ASB3: variants seen among roughly 807,000 people sequenced by gnomAD.
The protein encoded by ASB3 is ankyrin repeat and SOCS box containing 3.
In ASB3, 41 loss-of-function variants were observed where a neutral mutation model predicts 54.5. The observed-to-expected ratio is 0.75, with a 90% CI of 0.59 to 0.98. The LOEUF is 0.98. Ranked by LOEUF, ASB3 falls within the 50% of genes least tolerant of loss-of-function variation. The pLI, the probability that ASB3 is intolerant of heterozygous loss-of-function variation, is 0.00. For missense variants in ASB3, 733 were observed against 620.0 expected, an observed-to-expected ratio of 1.18 and a Z score of -1.94; for synonymous variants, 266 against 221.2, an observed-to-expected ratio of 1.20 and a Z score of -1.80.
intron 2 of ASB3, among the ~76,000 whole-genome samples, chr2:53,764,509 T>A (rs1402435169): frequency 6.6e-6 from 1 of 152,256 alleles, no homozygotes; most frequent in African/African-American, 2.4e-5. Flanking sequence ...ATTGAGCATG[T>A]GGCACAATGA....
At chr2:53,705,710 G>C (rs1242914897) in intron 7 of ASB3, among the ~76,000 whole-genome samples, 2 of 152,064 alleles carry the variant, frequency 1.3e-5, no homozygotes, top group African/African-American at 4.8e-5. Flanking sequence ...ATGAATGTTA[G>C]ACCTGTTGAT....
rs780588603 is a variant in ASB3, at chr2:53,670,719, CT to C, written c.1370-30del. ...GAGAAACAAAAAAAGCAAGGTGAAA[CT>C]TTTTTAAACAGAAAGATGTAATAGC... On this transcript the variant is annotated intron_variant, in intron 9 of 9. Coordinates refer to ENST00000263634, the MANE Select transcript of ASB3 (RefSeq NM_016115.5). The C allele has an allele frequency of 1.1e-5, 17 of 1,584,732 alleles. No homozygotes were observed. The African/African-American group carries it at 1.6e-4, about 15-fold the overall frequency.
chr2:53,778,523 T>G (rs1014937621), intron 1 of ASB3, among the ~76,000 whole-genome samples: 2 of 152,196 alleles, frequency 1.3e-5, no homozygotes, highest in East Asian at 1.9e-4. Flanking sequence ...CCCCTTTGAC[T>G]ATCATCTCCC....
intron 9 of ASB3, among the ~76,000 whole-genome samples, chr2:53,673,282 G>T (rs1317602664): frequency 6.6e-6 from 1 of 152,128 alleles, no homozygotes; most frequent in African/African-American, 2.4e-5. Flanking sequence ...ACAACCAGAA[G>T]GAAGATAAAG....
chr2:53,755,963 G>C (rs896003350), intron 2 of ASB3, among the ~76,000 whole-genome samples: 6 of 149,300 alleles, frequency 4.0e-5, no homozygotes, highest in African/African-American at 1.5e-4. Context: ...GACCAACCTG[G>C]ACAAAATAGT....
chr2:53,782,164 G>A (rs898468900), intron 1 of ASB3, among the ~76,000 whole-genome samples: 2 of 152,100 alleles, frequency 1.3e-5, no homozygotes, highest in Non-Finnish European at 2.9e-5. Flanking sequence ...GTGACAAAGC[G>A]AGACCCTGTC....
intron 3 of ASB3, among the ~76,000 whole-genome samples, chr2:53,741,763 C>A (rs1393014359): frequency 6.6e-6 from 1 of 152,146 alleles, no homozygotes; most frequent in East Asian, 1.9e-4. Context: ...TTTCCCTTTA[C>A]TTTTCTTAGA....
At chr2:53,721,380 C>T (rs1226412596) in intron 5 of ASB3, among the ~76,000 whole-genome samples, 1 of 144,866 alleles carries the variant, frequency 6.9e-6, no homozygotes, top group Admixed American at 6.9e-5. Context: ...GTGGTGAAAC[C>T]CCATCTCTAC....
intron 1 of ASB3, chr2:53,774,319 G>A (rs1168067933): frequency 6.2e-7 from 1 of 1,613,594 alleles, no homozygotes; most frequent in Non-Finnish European, 8.5e-7. Context: ...TGATAATCCT[G>A]ATTATCTTGG....
intron 5 of ASB3, among the ~76,000 whole-genome samples, chr2:53,727,879 C>A (rs1371241262): frequency 6.6e-6 from 1 of 152,114 alleles, no homozygotes; most frequent in Non-Finnish European, 1.5e-5. Context: ...GCACATGCCA[C>A]CATGCCCAGC....
intron 3 of ASB3, among the ~76,000 whole-genome samples, chr2:53,732,731 CAT>C (rs1671389495): frequency 6.6e-6 from 1 of 152,088 alleles, no homozygotes; most frequent in South Asian, 2.1e-4. Context: ...AAAACTTACA[CAT>C]GAGCAGAAAA....
rs1049234863 is a variant in ASB3, at chr2:53,708,713, G to T, written c.980+5671C>A. Among the ~76,000 whole-genome samples the T allele has an allele frequency of 2.0e-5, 3 of 152,226 alleles. No individual in the cohort carries two copies. In the South Asian group the frequency reaches 6.2e-4, roughly 31 times the overall value. ...ATGGAAAAGCAGAACTTACTGGGAA[G>T]TGAGCAAAGGTCACTTTTGTTATGC... On this transcript the variant is annotated intron_variant, in intron 7 of 9. Transcript: ENST00000263634.
chr2:53,748,509 C>T (rs976471323), intron 3 of ASB3: 5 of 152,282 alleles, frequency 3.3e-5, no homozygotes, highest in East Asian at 3.9e-4. Flanking sequence ...AAATACTTTT[C>T]GCATATTCAA....
intron 3 of ASB3, among the ~76,000 whole-genome samples, chr2:53,742,850 C>T (rs749589802): frequency 9.2e-5 from 14 of 151,900 alleles, no homozygotes; most frequent in Non-Finnish European, 1.8e-4. Context: ...CCAAGAACAC[C>T]ACCATAATAA....
chr2:53,785,907 GAATAT>G (rs2104245132), intron 1 of ASB3, among the ~76,000 whole-genome samples: 1 of 152,312 alleles, frequency 6.6e-6, no homozygotes, highest in Non-Finnish European at 1.5e-5. Flanking sequence ...AAGAAGTGCT[GAATAT>G]AATTAGCGAA....
chr2:53,678,094 TCAAA>T (rs1004693095), intron 9 of ASB3, among the ~76,000 whole-genome samples: 22 of 152,116 alleles, frequency 1.4e-4, no homozygotes, highest in Admixed American at 6.6e-4. Context: ...ATTACTACAG[TCAAA>T]CAAACATTAA....
At chr2:53,723,720 T>C (rs1472396358) in intron 5 of ASB3, among the ~76,000 whole-genome samples, 2 of 152,172 alleles carry the variant, frequency 1.3e-5, no homozygotes, top group Non-Finnish European at 2.9e-5. Context: ...AGCATGGTCC[T>C]GGTACAAAAA....
intron 2 of ASB3, among the ~76,000 whole-genome samples, chr2:53,760,207 T>C (rs1673067532): frequency 6.6e-6 from 1 of 152,112 alleles, no homozygotes; most frequent in Admixed American, 6.5e-5. Flanking sequence ...AGGGTAAATA[T>C]ATATAAAGAC....
chr2:53,763,313 C>T (rs138407812), intron 2 of ASB3, among the ~76,000 whole-genome samples: 16 of 152,184 alleles, frequency 1.1e-4, no homozygotes, highest in Non-Finnish European at 1.9e-4. Flanking sequence ...GAGCTGAGGT[C>T]GCACCACTGC....
Sources: gnomAD v4.1 joint callset for allele counts (sites outside exome capture counted in the v4.1 genomes callset) on GRCh38, gnomAD v4.1.1 for gene constraint, MANE v1.5 for transcripts, NCBI Gene and HGNC (gene_info 2026-07-23, HGNC 2026-07-21) for gene names.